CPVL: variants seen among roughly 807,000 people sequenced by gnomAD.
The protein encoded by CPVL is carboxypeptidase vitellogenic like, also known as probable serine carboxypeptidase CPVL.
A neutral mutation model predicts 63.7 loss-of-function variants in CPVL; 51 were observed. That is an observed-to-expected ratio of 0.80 (90% CI 0.64 to 1.01). The LOEUF (loss-of-function observed/expected upper bound fraction) is 1.01. Ranked by LOEUF, CPVL falls within the 50% of genes least tolerant of loss-of-function variation. CPVL has a pLI of 0.00. For missense variants in CPVL, 530 were observed against 573.1 expected (o/e 0.92, Z 0.77); for synonymous variants, 195 against 206.0 (o/e 0.95, Z 0.46).
At chr7:29,080,383 C>G (rs1446252082) in intron 7 of CPVL, 1 of 151,930 alleles carries the variant, frequency 6.6e-6, no homozygotes, top group Non-Finnish European at 1.5e-5. Flanking sequence ...CATAGTGAAA[C>G]CCCATCTCTA....
At chr7:29,129,462 G>T (rs1790442163) in intron 1 of CPVL, among the ~76,000 whole-genome samples, 1 of 144,508 alleles carries the variant, frequency 6.9e-6, no homozygotes, top group African/African-American at 2.6e-5. Flanking sequence ...AAGTAATTGT[G>T]GTTTTTGCCA....
chr7:29,035,303 C>T (rs971622304), intron 11 of CPVL, among the ~76,000 whole-genome samples: 2 of 152,134 alleles, frequency 1.3e-5, no homozygotes, highest in East Asian at 3.9e-4. Flanking sequence ...TCCTAGATCC[C>T]GACTTCCACC....
At chr7:29,131,069 T>C (rs1158421793) in intron 1 of CPVL, among the ~76,000 whole-genome samples, 3 of 152,072 alleles carry the variant, frequency 2.0e-5, no homozygotes, top group Non-Finnish European at 2.9e-5. Context: ...TTCTTTAGAA[T>C]TGCCTCCTTT....
intron 3 of CPVL, among the ~76,000 whole-genome samples, chr7:29,097,083 G>A (rs1164628013): frequency 6.6e-6 from 1 of 151,938 alleles, no homozygotes; most frequent in Non-Finnish European, 1.5e-5. Flanking sequence ...CAGCCCCAGG[G>A]GCCTTTAGCC....
At chr7:29,008,110 C>T (rs1785386939) in intron 12 of CPVL, among the ~76,000 whole-genome samples, 1 of 152,064 alleles carries the variant, frequency 6.6e-6, no homozygotes, top group Non-Finnish European at 1.5e-5. Flanking sequence ...CCAGGTGTGT[C>T]AGAGGAGTAC....
intron 7 of CPVL, 24 bp from the exon 8 acceptor site, chr7:29,072,447 G>A (rs1783844787): frequency 1.2e-6 from 2 of 1,607,146 alleles, no homozygotes; most frequent in Non-Finnish European, 1.7e-6. Flanking sequence ...ATGTTGAAAT[G>A]GCCAATCACA....
upstream of CPVL, chr7:29,146,672 A>G (rs1235794323): frequency 1.3e-6 from 2 of 1,550,532 alleles, no homozygotes; most frequent in African/African-American, 1.4e-5. Context: ...AGCGCTTCCC[A>G]TGCTGGAAGA....
intron 11 of CPVL, among the ~76,000 whole-genome samples, chr7:29,052,293 A>C (rs534638143): frequency 1.3e-5 from 2 of 152,186 alleles, no homozygotes; most frequent in African/African-American, 4.8e-5. Flanking sequence ...CTATGGGGAA[A>C]AAAATTTTTA....
chr7:29,089,526 A>G (rs1467335894), intron 6 of CPVL, among the ~76,000 whole-genome samples: 1 of 152,184 alleles, frequency 6.6e-6, no homozygotes, highest in East Asian at 1.9e-4. Context: ...ATTGAGGACT[A>G]GCTAAGACAG....
intron 7 of CPVL, among the ~76,000 whole-genome samples, chr7:29,083,763 G>A (rs2128593354): frequency 6.6e-6 from 1 of 152,196 alleles, no homozygotes; most frequent in East Asian, 1.9e-4. Context: ...TAGGGTTTCT[G>A]TCACTTGCAA....
chr7:29,054,104 TTAAA>T (rs1178132548), intron 11 of CPVL, among the ~76,000 whole-genome samples: 1 of 151,960 alleles, frequency 6.6e-6, no homozygotes, highest in African/African-American at 2.4e-5. Context: ...ACAAAATCTG[TTAAA>T]TAAATAGTAT....
At chr7:29,127,143 A>AAG (rs1790114178) in intron 1 of CPVL, among the ~76,000 whole-genome samples, 1 of 152,180 alleles carries the variant, frequency 6.6e-6, no homozygotes, top group African/African-American at 2.4e-5. Flanking sequence ...AAGAGGAGAA[A>AAG]ATAATATAAT....
intron 3 of CPVL, among the ~76,000 whole-genome samples, chr7:29,108,005 T>C (rs988125880): frequency 2.6e-5 from 4 of 152,192 alleles, no homozygotes; most frequent in Non-Finnish European, 5.9e-5. Context: ...TCTCTCCAAT[T>C]GACTGCTGAT....
chr7:29,159,390 AT>A (rs757536637), intron 5 of CPVL, among the ~76,000 whole-genome samples: 1 of 152,214 alleles, frequency 6.6e-6, no homozygotes, highest in Admixed American at 6.5e-5. Flanking sequence ...GGGATGAATT[AT>A]TCTATACCAG....
chr7:29,064,122 A>G lies in CPVL; in HGVS notation c.1076T>C (p.Leu359Ser). ...AACTGACTGTACTGTATCTTCTCGC[A>G]AGTACTTTTCAACTATAGTTCCATC... Reference protein sequence around the residue: ...FNDGTIVEKYLREDTVQSVKP... With the variant: ...FNDGTIVEKYSREDTVQSVKP... The change falls in exon 11 of 13, where the codon TTG becomes TCG. Residue 359 changes from leucine (L) to serine (S), a missense_variant. Physicochemically the swap from Leu to Ser is moderately radical, Grantham distance 145. Coordinates refer to ENST00000265394, the MANE Select transcript of CPVL (RefSeq NM_031311.5). 6.2e-7 allele frequency: 1 copy of G among 1,613,334 alleles called. No homozygotes were observed. Among genetic ancestry groups the G allele is most frequent in the African/African-American group, 1.3e-5 (1 of 75,014 alleles).
At chr7:29,185,411 G>C (rs1333536162) in intron 3 of CPVL, 1 of 152,128 alleles carries the variant, frequency 6.6e-6, no homozygotes, top group African/African-American at 2.4e-5. Context: ...CTCATATCAT[G>C]ATGTCTGTGG....
chr7:29,176,860 G>A (rs972994436), intron 5 of CPVL, among the ~76,000 whole-genome samples: 2 of 152,148 alleles, frequency 1.3e-5, no homozygotes, highest in African/African-American at 4.8e-5. Flanking sequence ...TTCATCATTG[G>A]TCAGAATGGT....
chr7:29,092,649 C>T lies in CPVL; in HGVS notation c.516G>A (p.Glu172=), dbSNP rs778507026. The change falls in exon 6 of 13, where the codon GAG becomes GAA. Residue 172 remains glutamate (E), a synonymous_variant. Coordinates refer to ENST00000265394, the MANE Select transcript of CPVL (RefSeq NM_031311.5). Reference sequence around the variant, plus strand: ...TGTATAAATCCCGTGCTACATCGTCCTCATTGACTGCATATCCGTGGGTAT... The same window carrying T: ...TGTATAAATCCCGTGCTACATCGTCTTCATTGACTGCATATCCGTGGGTAT... ...TDDTHGYAVN[E]DDVARDLYSA... The T allele has an allele frequency of 3.7e-6, 6 of 1,613,752 alleles. No homozygotes were observed. Among genetic ancestry groups the T allele is most frequent in the Non-Finnish European group, 5.1e-6 (6 of 1,179,790 alleles).
intron 5 of CPVL, among the ~76,000 whole-genome samples, chr7:29,162,661 CA>C (rs35159645): frequency 0.2 from 11,500 of 58,340 alleles, 812 homozygotes; most frequent in East Asian, 0.37. Context: ...AACTCCATCT[CA>C]AAAAAAAAAA....
Sources: allele counts gnomAD v4.1 joint callset (sites outside exome capture counted in the v4.1 genomes callset), GRCh38; gene constraint gnomAD v4.1.1; transcripts MANE v1.5; gene names NCBI Gene and HGNC (gene_info 2026-07-23, HGNC 2026-07-21).